Variants in CSMD1 observed in about 807,000 individuals in gnomAD.
CSMD1 encodes CUB and sushi domain-containing protein 1.
A neutral mutation model predicts 417.5 loss-of-function variants in CSMD1; 213 were observed. The ratio of observed to expected loss-of-function variants is 0.51; its 90% CI spans 0.46 to 0.57. CSMD1 has a LOEUF of 0.57. Among genes scored for constraint, CSMD1 ranks in the 20% least tolerant of loss-of-function variants. The probability of loss-of-function intolerance (pLI) is 0.00; values close to 1 mark genes in which losing one functional copy is unlikely to be tolerated. For missense variants in CSMD1, 6,923 were observed against 4,529.7 expected (o/e 1.53, Z -15.17); for synonymous variants, 2,862 against 1,736.8 (o/e 1.65, Z -16.11).
intron 63 of CSMD1, among the ~76,000 whole-genome samples, chr8:2,956,314 A>C (rs1803005367): frequency 6.6e-6 from 1 of 152,062 alleles, no homozygotes; most frequent in East Asian, 1.9e-4. Flanking sequence ...TTGAAATATA[A>C]TTTAGGAATA....
intron 1 of CSMD1, among the ~76,000 whole-genome samples, chr8:4,936,533 G>C (rs1008599597): frequency 6.6e-6 from 1 of 152,280 alleles, no homozygotes; most frequent in East Asian, 1.9e-4. Flanking sequence ...GTACCTTCGT[G>C]AATAAATGTT....
In CSMD1 at chr8:4,034,063, T is replaced by C. The variant is rs139673591; in HGVS notation, c.416-1964A>G. On this transcript the variant is annotated intron_variant, in intron 3 of 69. Coordinates refer to ENST00000635120, the MANE Select transcript of CSMD1 (RefSeq NM_033225.6). ...AGAAACTATTTCATGTCTGTATCCA[T>C]TGTCTTTGCATCGGCATGGGGGTGT... 2.3e-4 allele frequency among the ~76,000 whole-genome samples: 35 copies of C among 152,338 alleles called. No individual in the cohort carries two copies. The East Asian group carries it at 5.0e-3, about 22-fold the overall frequency.
intron 3 of CSMD1, among the ~76,000 whole-genome samples, chr8:4,412,227 G>C (rs552731743): frequency 1.2e-4 from 19 of 152,114 alleles, no homozygotes; most frequent in Admixed American, 2.6e-4. Flanking sequence ...ATTGGAGGTA[G>C]GGCCTGGTAG....
At chr8:3,948,137 T>C (rs919185143) in intron 5 of CSMD1, among the ~76,000 whole-genome samples, 1 of 152,064 alleles carries the variant, frequency 6.6e-6, no homozygotes, top group Non-Finnish European at 1.5e-5. Flanking sequence ...ACCGAGAGGC[T>C]TAGGTTGCAG....
chr8:3,788,622 C>T (rs912709171), intron 5 of CSMD1, among the ~76,000 whole-genome samples: 2 of 152,154 alleles, frequency 1.3e-5, no homozygotes, highest in Non-Finnish European at 2.9e-5. Context: ...TTTAGTTCAT[C>T]TACATTTTAC....
At position 3,189,942 on chromosome 8, in the gene CSMD1, G is replaced by A; in HGVS notation, c.5368C>T (p.Gln1790Ter). ...CAGCTGGGGATCGTGTCGTTCCACTGTGCCAAGGCGTTGGGCACGGACTGG... is the reference window on the plus strand; with the variant it reads ...CAGCTGGGGATCGTGTCGTTCCACTATGCCAAGGCGTTGGGCACGGACTGG... The part of the protein sequence containing the change: ...HCQSVPNALA[Q>*]WNDTIPSCVV... The change falls in exon 34 of 70, where the codon CAG (glutamine) becomes TAG (stop). Residue 1790 changes from glutamine (Q) to a stop codon, truncating the protein, a stop_gained. Coordinates refer to ENST00000635120, the MANE Select transcript of CSMD1 (RefSeq NM_033225.6). LOFTEE classifies it high-confidence loss of function. 6.3e-7 allele frequency: 1 copy of A among 1,592,012 alleles called. No individual in the cohort carries two copies. Among genetic ancestry groups the A allele is most frequent in the South Asian group, 1.1e-5 (1 of 86,982 alleles).
In CSMD1 at chr8:3,396,203, G is replaced by A. The variant is rs1346735447; in HGVS notation, c.2584C>T (p.His862Tyr). ...GGAAGGTGCAACTCACTCTCATAGT[G>A]GATGAGGAAGCCGATGCTGGAGCGG... ...NSRSSIGFLI[H>Y]YESVTLESDS... Residue 862 changes from histidine (H) to tyrosine (Y), a missense_variant, in exon 17 of 70, where the codon CAC becomes TAC. By Grantham distance (83) the His-to-Tyr change is moderately conservative. Coordinates refer to ENST00000635120, the MANE Select transcript of CSMD1 (RefSeq NM_033225.6). 3.2e-6 allele frequency: 5 copies of A among 1,560,398 alleles called. No individual in the cohort carries two copies. The highest frequency in any genetic ancestry group is 4.3e-6 in the Non-Finnish European group (5 of 1,152,262).
chr8:3,670,209 T>C (rs1044901001), intron 7 of CSMD1, among the ~76,000 whole-genome samples: 1 of 151,952 alleles, frequency 6.6e-6, no homozygotes, highest in African/African-American at 2.4e-5. Flanking sequence ...GGGTACCCTC[T>C]AATCAGCTGC....
intron 3 of CSMD1, among the ~76,000 whole-genome samples, chr8:4,394,768 C>T (rs1337730800): frequency 1.3e-5 from 2 of 152,184 alleles, no homozygotes; most frequent in African/African-American, 2.4e-5. Context: ...GATCCATCTG[C>T]ACCTTCCTGT....
At chr8:3,253,256 A>G (rs888249944) in intron 26 of CSMD1, among the ~76,000 whole-genome samples, 5 of 152,062 alleles carry the variant, frequency 3.3e-5, no homozygotes, top group African/African-American at 7.2e-5. Flanking sequence ...TTCAAAGAAC[A>G]TCTTTATTTC....
chr8:3,560,636 A>G (rs989876861), intron 10 of CSMD1, among the ~76,000 whole-genome samples: 2 of 152,196 alleles, frequency 1.3e-5, no homozygotes, highest in Non-Finnish European at 2.9e-5. Flanking sequence ...GCGGGATGAT[A>G]TAAAAACCTA....
intron 3 of CSMD1, among the ~76,000 whole-genome samples, chr8:4,132,156 T>C (rs1259495245): frequency 6.6e-6 from 1 of 151,778 alleles, no homozygotes; most frequent in Non-Finnish European, 1.5e-5. Flanking sequence ...AGATCAGCTG[T>C]TGCCTGTTTG....
chr8:4,827,147 G>C (rs941048286), intron 1 of CSMD1, among the ~76,000 whole-genome samples: 12 of 152,124 alleles, frequency 7.9e-5, no homozygotes, highest in African/African-American at 2.4e-4. Context: ...TTAAAACAAA[G>C]AAAACAGGTA....
intron 23 of CSMD1, 78 bp from the exon 24 acceptor site, chr8:3,308,581 G>GAGCATTTAGCAACC: frequency 8.5e-7 from 1 of 1,180,834 alleles, no homozygotes; most frequent in Non-Finnish European, 1.2e-6. Flanking sequence ...AACAAACAAG[G>GAGCATTTAGCAACC]TTGCTAAATG....
In CSMD1 at chr8:3,082,368, C is replaced by G. The variant is rs1342354203; in HGVS notation, c.7474+4729G>C. Among the ~76,000 whole-genome samples the G allele has an allele frequency of 2.0e-5, 3 of 152,184 alleles. No homozygotes were observed. In the South Asian group the frequency reaches 6.2e-4, roughly 31 times the overall value. On this transcript the variant is annotated intron_variant, in intron 49 of 69. Transcript: ENST00000635120. Reference sequence around the variant, plus strand: ...CAGCTGAGATTTCCTATGGGCTGCTCCTGCCAGCTTCTCCAACCCATCGTC... The same window carrying G: ...CAGCTGAGATTTCCTATGGGCTGCTGCTGCCAGCTTCTCCAACCCATCGTC...
chr8:4,883,674 G>A (rs547017935), intron 1 of CSMD1, among the ~76,000 whole-genome samples: 3 of 152,078 alleles, frequency 2.0e-5, no homozygotes, highest in Admixed American at 6.5e-5. Flanking sequence ...TTTTATTGCG[G>A]AATAATAACC....
intron 7 of CSMD1, among the ~76,000 whole-genome samples, chr8:3,680,924 C>G (rs13274401): frequency 0.46 from 69,973 of 151,958 alleles, 16,633 homozygotes; most frequent in Admixed American, 0.58. Context: ...ATAAACAGAA[C>G]CAATGACAAA....
At chr8:4,735,718 T>C (rs181703873) in intron 1 of CSMD1, among the ~76,000 whole-genome samples, 4 of 152,262 alleles carry the variant, frequency 2.6e-5, no homozygotes, top group African/African-American at 4.8e-5. Context: ...TTTATCTCCC[T>C]AATATCTCCC....
intron 5 of CSMD1, among the ~76,000 whole-genome samples, chr8:3,766,195 T>A (rs1349372390): frequency 1.3e-5 from 2 of 152,178 alleles, no homozygotes; most frequent in African/African-American, 2.4e-5. Flanking sequence ...GACAGAGGAA[T>A]GAGGCCAGCA....
Sources: allele counts gnomAD v4.1 joint callset (sites outside exome capture counted in the v4.1 genomes callset), GRCh38; gene constraint gnomAD v4.1.1; transcripts MANE v1.5; gene names NCBI Gene and HGNC (gene_info 2026-07-23, HGNC 2026-07-21).